MAP3K9: variants seen among roughly 807,000 people sequenced by gnomAD.
MAP3K9 encodes mitogen-activated protein kinase kinase kinase 9.
MAP3K9 carries 46 observed loss-of-function variants against 95.8 expected under a neutral mutation model. The ratio of observed to expected loss-of-function variants is 0.48; its 90% CI spans 0.38 to 0.61. The LOEUF is 0.61. MAP3K9 is among the 20% of genes least tolerant of loss of function. The pLI is 0.00. For synonymous variants in MAP3K9, 533 were observed against 593.8 expected (o/e 0.90, Z 1.49); for missense variants, 1,296 against 1,474.3 (o/e 0.88, Z 1.98).
chr14:70,791,754 T>C (rs1401288243), intron 2 of MAP3K9, among the ~76,000 whole-genome samples: 1 of 152,256 alleles, frequency 6.6e-6, no homozygotes, highest in Non-Finnish European at 1.5e-5. Flanking sequence ...GCCATGCTCA[T>C]GGTACTCACC....
At chr14:70,747,203 CTTGAA>C (rs2054159368) in intron 5 of MAP3K9, among the ~76,000 whole-genome samples, 1 of 152,194 alleles carries the variant, frequency 6.6e-6, no homozygotes, top group Admixed American at 6.5e-5. Context: ...TAAATCTCAT[CTTGAA>C]TTGTAGTTTC....
In MAP3K9 at chr14:70,802,715, T is replaced by C. The variant is rs80012027; in HGVS notation, c.407-1635A>G. 1.8e-3 allele frequency among the ~76,000 whole-genome samples: 277 copies of C among 152,260 alleles called. 8 individuals carry two copies. In the East Asian group the frequency reaches 0.039, roughly 22 times the overall value. ...TTCCATTCCACAAGAGGCATCAAGA[T>C]TATAATTACTTAATTACTTGTTCAA... On this transcript the variant is annotated intron_variant, in intron 1 of 11. Coordinates refer to ENST00000554752, the MANE Select transcript of MAP3K9 (RefSeq NM_001284230.2).
chr14:70,790,434 GA>G lies in MAP3K9; in HGVS notation c.820+10232del, dbSNP rs369822332. On this transcript the variant is annotated intron_variant, in intron 2 of 11. Transcript: ENST00000554752. ...CCAAACCCCTCATTTTGCAGATGAAGAATCTGAGGTCCAGAGAGATCACAGA... is the reference window on the plus strand; with the variant it reads ...CCAAACCCCTCATTTTGCAGATGAAGATCTGAGGTCCAGAGAGATCACAGA... 2.0e-4 allele frequency among the ~76,000 whole-genome samples: 31 copies of G among 152,310 alleles called. No homozygotes were observed. The East Asian group carries it at 5.6e-3, about 27-fold the overall frequency.
Position 70,726,243 on chromosome 14 carries a change from G to A in MAP3K9, c.*4137C>T, listed in dbSNP as rs2053819233. On this transcript the variant is annotated 3_prime_UTR_variant, in exon 12 of 12. Coordinates refer to ENST00000554752, the MANE Select transcript of MAP3K9 (RefSeq NM_001284230.2). The stretch of plus-strand genomic sequence containing the variant: ...TCCAATGTGGGGACCACAGAGGCAA[G>A]AGAGTTCATGAAAAGTCAGGTCTAG... 1 of 152,312 alleles carries A rather than the reference G, an allele frequency of 6.6e-6. No individual in the cohort carries two copies. The highest frequency in any genetic ancestry group is 6.5e-5 in the Admixed American group (1 of 15,290). The allele number at this position is 152,312 out of a possible 1,614,324, so 9.4% of individuals were successfully genotyped here.
At chr14:70,800,193 C>T (rs1350948421) in intron 2 of MAP3K9, among the ~76,000 whole-genome samples, 1 of 152,192 alleles carries the variant, frequency 6.6e-6, no homozygotes, top group African/African-American at 2.4e-5. Flanking sequence ...CCTGAATCAG[C>T]TCACAGTTTA....
chr14:70,756,913 A>G (rs953939797), intron 3 of MAP3K9, among the ~76,000 whole-genome samples: 1 of 152,244 alleles, frequency 6.6e-6, no homozygotes. Flanking sequence ...TCAAGCAATA[A>G]AAGTGTTAAA....
chr14:70,782,020 C>T (rs1216783254), intron 2 of MAP3K9, among the ~76,000 whole-genome samples: 1 of 152,194 alleles, frequency 6.6e-6, no homozygotes, highest in Non-Finnish European at 1.5e-5. Flanking sequence ...GAGGTCATAG[C>T]TATGGCCTAC....
chr14:70,804,082 G>A (rs1255298919), intron 1 of MAP3K9, among the ~76,000 whole-genome samples: 1 of 152,200 alleles, frequency 6.6e-6, no homozygotes, highest in Non-Finnish European at 1.5e-5. Flanking sequence ...TCTCTGGGCT[G>A]CAGACACAAC....
At chr14:70,738,713 T>C (rs12590343) in intron 7 of MAP3K9, among the ~76,000 whole-genome samples, 4,667 of 151,956 alleles carry the variant, frequency 0.031, 95 homozygotes, top group East Asian at 0.1. Flanking sequence ...TTGGGTGGGA[T>C]TGGGTAGTGA....
intron 2 of MAP3K9, among the ~76,000 whole-genome samples, chr14:70,778,492 T>C (rs1022480332): frequency 1.3e-5 from 2 of 152,068 alleles, no homozygotes; most frequent in Non-Finnish European, 2.9e-5. Context: ...GCCAGGCTGG[T>C]CTCAAACTCC....
At chr14:70,732,467 T>C (rs2053918097) in intron 11 of MAP3K9, 72 bp downstream of exon 11, 3 of 1,476,922 alleles carry the variant, frequency 2.0e-6, no homozygotes, top group Non-Finnish European at 9.0e-7. Flanking sequence ...AAAGAGAAAA[T>C]GAGGCCTGCA....
intron 2 of MAP3K9, among the ~76,000 whole-genome samples, chr14:70,795,953 C>T (rs1461292733): frequency 6.6e-6 from 1 of 151,452 alleles, no homozygotes. Flanking sequence ...TGGGGTTTCA[C>T]CATGTTGGCC....
chr14:70,744,659 C>G (rs2054120999), intron 5 of MAP3K9, among the ~76,000 whole-genome samples: 1 of 152,194 alleles, frequency 6.6e-6, no homozygotes, highest in African/African-American at 2.4e-5. Context: ...CTTTTTCAGG[C>G]ACTTGCTCTA....
chr14:70,733,021 G>C lies in MAP3K9; in HGVS notation c.2348C>G (p.Pro783Arg). 6.2e-7 allele frequency: 1 copy of C among 1,614,144 alleles called. No individual in the cohort carries two copies. The highest frequency in any genetic ancestry group is 8.5e-7 in the Non-Finnish European group (1 of 1,180,020). Reference protein sequence around the residue: ...GKCQLLPLEEPEPPAREEKKR... With the variant: ...GKCQLLPLEEREPPAREEKKR... ...CTTCTCCTCCCGGGCTGGTGGCTCA[G>C]GCTCCTCCAGGGGAAGCAGCTGGCA... The change falls in exon 11 of 12, where the codon CCT (proline) becomes CGT (arginine). Residue 783 changes from proline to arginine, a missense_variant. Physicochemically the swap from Pro to Arg is moderately radical, Grantham distance 103. Around this residue, in one of 5 missense-constraint regions of MAP3K9, gnomAD observed 433 missense variants for 441.4 expected, o/e 0.98. Transcript: ENST00000554752.
At position 70,739,502 on chromosome 14, in the gene MAP3K9, TCACACA is replaced by T. The variant is rs141869536; in HGVS notation, c.1690+534_1690+539del. Among the ~76,000 whole-genome samples, 10 of 148,484 alleles carry T rather than the reference TCACACA, an allele frequency of 6.7e-5. No homozygotes were observed. In the East Asian group the frequency reaches 1.2e-3, roughly 18 times the overall value. ...AATTCATTCACATATAGGTGTATGT[TCACACA>T]CACACACACACACACACACTTACAT... On this transcript the variant is annotated intron_variant, in intron 7 of 11. Coordinates refer to ENST00000554752, the MANE Select transcript of MAP3K9 (RefSeq NM_001284230.2).
rs1444267687 is a variant in MAP3K9 at position 70,801,094 on chromosome 14, G to A, written c.407-14C>T. 2.4e-5 allele frequency: 38 copies of A among 1,582,738 alleles called. No individual in the cohort carries two copies. The highest frequency in any genetic ancestry group is 1.3e-4 in the Admixed American group (7 of 54,344). ...CAATTTCTAACACTGAGAAAGGGAAGAAAAAAAGAAGCAAGTCAAAAACAT... is the reference window on the plus strand; with the variant it reads ...CAATTTCTAACACTGAGAAAGGGAAAAAAAAAAGAAGCAAGTCAAAAACAT... On this transcript the variant is annotated splice_polypyrimidine_tract_variant and intron_variant, in intron 1 of 11. Coordinates refer to ENST00000554752, the MANE Select transcript of MAP3K9 (RefSeq NM_001284230.2).
At position 70,750,491 on chromosome 14, in the gene MAP3K9, TTTG is replaced by T. The variant is rs2054209983; in HGVS notation, c.1002-413_1002-411del. ...ATCATTATTGTTTTTTGTTTGTTTG[TTTG>T]TTTGTTTTGGGATGGAGTTTCGCTC... On this transcript the variant is annotated intron_variant, in intron 3 of 11. Coordinates refer to ENST00000554752, the MANE Select transcript of MAP3K9 (RefSeq NM_001284230.2). Among the ~76,000 whole-genome samples the T allele has an allele frequency of 2.0e-5, 3 of 152,268 alleles. No homozygotes were observed. The South Asian group carries it at 6.2e-4, about 32-fold the overall frequency.
chr14:70,743,083 T>A (rs1239725083), intron 5 of MAP3K9, among the ~76,000 whole-genome samples: 1 of 152,034 alleles, frequency 6.6e-6, no homozygotes, highest in Non-Finnish European at 1.5e-5. Context: ...GCATCCCTGA[T>A]TCAAGTGATT....
At position 70,724,473 on chromosome 14, in the gene MAP3K9, G is replaced by A. The variant is rs1236366857; in HGVS notation, c.*5907C>T. ...AAGCCCCTCTCACAGGTCCAGGTGAGGGGCAGGCAGGGCTGGGTATAGAGT... is the reference window on the plus strand; with the variant it reads ...AAGCCCCTCTCACAGGTCCAGGTGAAGGGCAGGCAGGGCTGGGTATAGAGT... On this transcript the variant is annotated 3_prime_UTR_variant, in exon 12 of 12. Coordinates refer to ENST00000554752, the MANE Select transcript of MAP3K9 (RefSeq NM_001284230.2). 1 of 152,182 alleles carries A rather than the reference G, an allele frequency of 6.6e-6. No individual in the cohort carries two copies. The highest frequency in any genetic ancestry group is 1.9e-4 in the East Asian group (1 of 5,200). The allele number at this position is 152,182 out of a possible 1,614,324, so 9.4% of individuals were successfully genotyped here. A position where few individuals can be genotyped will look rare whatever the true frequency, so the allele number is the denominator to read the frequency against.
Sources: gnomAD v4.1 joint callset for allele counts (sites outside exome capture counted in the v4.1 genomes callset) on GRCh38, gnomAD v4.1.1 for gene constraint, gnomAD v4.1.1 regional missense constraint, MANE v1.5 for transcripts, NCBI Gene and HGNC (gene_info 2026-07-23, HGNC 2026-07-21) for gene names.